The following ESRRG variants were observed in gnomAD, a reference collection of about 807,000 sequenced individuals.
ESRRG encodes the protein estrogen related receptor gamma.
In ESRRG, 13 loss-of-function variants were observed where a neutral mutation model predicts 44.0. The observed-to-expected ratio is 0.30, with a 90% CI of 0.19 to 0.47. The LOEUF (loss-of-function observed/expected upper bound fraction) is 0.47, where lower values mean the gene tolerates loss of function less well. ESRRG is among the 20% of genes least tolerant of loss of function. ESRRG has a pLI of 1.00. For synonymous variants in ESRRG, 215 were observed against 214.6 expected, an observed-to-expected ratio of 1.00 and a Z score of -0.02; for missense variants, 395 against 580.6, an observed-to-expected ratio of 0.68 and a Z score of 3.29.
At chr1:216,928,459 T>C (rs2062873883) in intron 2 of ESRRG, among the ~76,000 whole-genome samples, 1 of 152,174 alleles carries the variant, frequency 6.6e-6, no homozygotes, top group Admixed American at 6.5e-5. Flanking sequence ...CCATCTTCAT[T>C]GCCTTCTTCA....
chr1:216,941,371 T>A lies in ESRRG; in HGVS notation c.-105-1698A>T, dbSNP rs774023231. 2.6e-5 allele frequency among the ~76,000 whole-genome samples: 4 copies of A among 152,192 alleles called. No homozygotes were observed. The East Asian group carries it at 7.7e-4, about 29-fold the overall frequency. On this transcript the variant is annotated intron_variant, in intron 1 of 7. Coordinates refer to the ESRRG transcript ENST00000359162. The stretch of plus-strand genomic sequence containing the variant: ...AGTTATATGGCTGCTTTCTGTGTAA[T>A]ATTGCTAATGCTCATAGCCAGTGTG...
intron 2 of ESRRG, among the ~76,000 whole-genome samples, chr1:216,920,848 G>A (rs2061749586): frequency 6.6e-6 from 1 of 152,154 alleles, no homozygotes; most frequent in South Asian, 2.1e-4. Flanking sequence ...CATCTCATTC[G>A]CTACATATGT....
rs879711203 is a variant in ESRRG, at chr1:216,885,603, G to GT, written c.-14+53978dup. 2.0e-3 allele frequency among the ~76,000 whole-genome samples: 284 copies of GT among 145,326 alleles called. 1 individual carries two copies. The highest frequency in any genetic ancestry group is 5.6e-3 in the African/African-American group (224 of 39,712). ...ATTGAATGTTGATGCAATCTTAAAG[G>GT]TTTTTTTTTTAATGATTTCCATCTA... On this transcript the variant is annotated intron_variant, in intron 2 of 7. Coordinates refer to the ESRRG transcript ENST00000359162.
In ESRRG at chr1:216,860,369, A is replaced by T. The variant is rs372650810; in HGVS notation, c.-14+79213T>A. Reference sequence around the variant, plus strand: ...TTTATATGTCCCCAAATTGGAGGCAAGGGAGATTTATAAGCCTACAGATTA... The same window carrying T: ...TTTATATGTCCCCAAATTGGAGGCATGGGAGATTTATAAGCCTACAGATTA... On this transcript the variant is annotated intron_variant, in intron 2 of 7. Coordinates refer to the ESRRG transcript ENST00000359162. 2.0e-4 allele frequency among the ~76,000 whole-genome samples: 30 copies of T among 152,292 alleles called. No homozygotes were observed. The South Asian group carries it at 6.2e-3, about 32-fold the overall frequency.
chr1:216,743,218 T>G (rs61318304), intron 2 of ESRRG, among the ~76,000 whole-genome samples: 24,071 of 152,120 alleles, frequency 0.16, 1,927 homozygotes, highest in Middle Eastern at 0.24. Context: ...GGAAATGTAT[T>G]TATTTGCTAA....
chr1:217,025,580 T>A (rs1317276167), intron 1 of ESRRG, among the ~76,000 whole-genome samples: 1 of 152,338 alleles, frequency 6.6e-6, no homozygotes, highest in Non-Finnish European at 1.5e-5. Context: ...TTTAGCATGC[T>A]AATGTTCTTC....
intron 2 of ESRRG, among the ~76,000 whole-genome samples, chr1:216,913,005 C>A (rs1560087698): frequency 1.3e-5 from 2 of 151,124 alleles, no homozygotes; most frequent in South Asian, 2.1e-4. Context: ...TGCCTGTAAT[C>A]CCAGCTACTC....
intron 2 of ESRRG, among the ~76,000 whole-genome samples, chr1:216,882,894 C>G (rs2149329918): frequency 6.6e-6 from 1 of 151,842 alleles, no homozygotes; most frequent in East Asian, 1.9e-4. Context: ...GATATTTTCA[C>G]TCTTTTATTT....
At chr1:216,889,075 T>C (rs868603359) in intron 2 of ESRRG, among the ~76,000 whole-genome samples, 1 of 152,228 alleles carries the variant, frequency 6.6e-6, no homozygotes, top group Non-Finnish European at 1.5e-5. Flanking sequence ...TGTGAACTTT[T>C]ACTTCCTGTG....
chr1:216,708,768 T>G (rs2082949651), intron 1 of ESRRG, among the ~76,000 whole-genome samples: 1 of 152,208 alleles, frequency 6.6e-6, no homozygotes, highest in Non-Finnish European at 1.5e-5. Flanking sequence ...TGCACACGTA[T>G]GTTTATTGCA....
intron 1 of ESRRG, among the ~76,000 whole-genome samples, chr1:217,100,486 G>A (rs1165781129): frequency 6.6e-6 from 1 of 152,196 alleles, no homozygotes; most frequent in East Asian, 1.9e-4. Flanking sequence ...GTGCCTTGCT[G>A]GAGGACAGGG....
At chr1:216,731,742 G>A (rs529886934) in intron 2 of ESRRG, among the ~76,000 whole-genome samples, 1 of 152,314 alleles carries the variant, frequency 6.6e-6, no homozygotes, top group South Asian at 2.1e-4. Flanking sequence ...TGGTGATGGG[G>A]GAGGGGCATG....
intron 2 of ESRRG, among the ~76,000 whole-genome samples, chr1:216,821,211 G>A (rs1298244062): frequency 6.6e-6 from 1 of 152,124 alleles, no homozygotes; most frequent in Admixed American, 6.6e-5. Flanking sequence ...GGACAAATGT[G>A]TCCATTTACC....
At chr1:217,083,527 G>C (rs1392627762) in intron 1 of ESRRG, among the ~76,000 whole-genome samples, 3 of 152,102 alleles carry the variant, frequency 2.0e-5, no homozygotes, top group Non-Finnish European at 4.4e-5. Flanking sequence ...AGAAACAAAG[G>C]TTCACTACTG....
chr1:217,020,443 T>C (rs1413296846), intron 1 of ESRRG, among the ~76,000 whole-genome samples: 6 of 152,192 alleles, frequency 3.9e-5, no homozygotes, highest in South Asian at 2.1e-4. Context: ...AGGTAACTTA[T>C]GCAAGTTCAC....
chr1:216,920,100 T>A (rs1224958523), intron 2 of ESRRG, among the ~76,000 whole-genome samples: 1 of 152,214 alleles, frequency 6.6e-6, no homozygotes, highest in Non-Finnish European at 1.5e-5. Flanking sequence ...CAGTGTTTCC[T>A]TCACAGAAAA....
At chr1:216,792,865 T>C (rs958108613) in intron 2 of ESRRG, among the ~76,000 whole-genome samples, 6 of 152,200 alleles carry the variant, frequency 3.9e-5, no homozygotes, top group Non-Finnish European at 8.8e-5. Flanking sequence ...TAGCTTTTCA[T>C]GCTGTTCCCA....
At chr1:217,067,131 T>C (rs1352833818) in intron 1 of ESRRG, among the ~76,000 whole-genome samples, 1 of 152,234 alleles carries the variant, frequency 6.6e-6, no homozygotes, top group Non-Finnish European at 1.5e-5. Flanking sequence ...AATTACAAAG[T>C]TTCTATACTA....
rs576234189 is a variant in ESRRG, at chr1:217,006,339, C to T, written c.-105-66666G>A. 1.5e-3 allele frequency among the ~76,000 whole-genome samples: 228 copies of T among 152,148 alleles called. 1 individual carries two copies. Among genetic ancestry groups the T allele is most frequent in the Non-Finnish European group, 2.7e-3 (185 of 67,968 alleles). ...TTATCTGAGTAATCAACATATACAA[C>T]TTTAATTCTACAAATAACACCATCA... On this transcript the variant is annotated intron_variant, in intron 1 of 7. Transcript: ENST00000359162.
Sources: gnomAD v4.1 joint callset for allele counts (sites outside exome capture counted in the v4.1 genomes callset) on GRCh38, gnomAD v4.1.1 for gene constraint, MANE v1.5 for transcripts, NCBI Gene and HGNC (gene_info 2026-07-23, HGNC 2026-07-21) for gene names.